Variants in SLC25A39 observed in about 807,000 individuals in gnomAD.
SLC25A39 encodes the protein mitochondrial glutathione transporter SLC25A39.
In SLC25A39, 44 loss-of-function variants were observed where a neutral mutation model predicts 46.6. The ratio of observed to expected loss-of-function variants is 0.94; its 90% confidence interval spans 0.74 to 1.21. SLC25A39 has a LOEUF of 1.21. Ranked by LOEUF, SLC25A39 falls within the 50% of genes most tolerant of loss-of-function variation. SLC25A39 has a pLI of 0.00. For synonymous variants in SLC25A39, 218 were observed against 190.6 expected (o/e 1.14, Z -1.19); for missense variants, 487 against 473.0 (o/e 1.03, Z -0.28).
chr17:44,320,944 C>T, intron 8 of SLC25A39, 114 bp downstream of exon 8: 1 of 1,309,808 alleles, frequency 7.6e-7, no homozygotes. Context: ...ACCCATGGCT[C>T]AGAAAAGCTA....
chr17:44,321,724 A>G lies in SLC25A39; in HGVS notation c.368T>C (p.Leu123Pro), dbSNP rs770525783. The change falls in exon 6 of 12, where the codon CTC becomes CCC. Residue 123 changes from leucine (L) to proline (P), a missense_variant. By Grantham distance (98) the Leu-to-Pro change is moderately conservative (BLOSUM62 -3). Transcript: ENST00000377095. ...KIVRHEGTRTLWSGLPATLVM... is the reference protein window; with the variant it reads ...KIVRHEGTRTPWSGLPATLVM... ...CAGGGTGGCGGGGAGGCCGCTCCAG[A>G]GGGTCCTGGTGCCCTCGTGCCTCAC... The G allele has an allele frequency of 1.5e-5, 24 of 1,612,340 alleles. No individual in the cohort carries two copies. Among genetic ancestry groups the G allele is most frequent in the Non-Finnish European group, 2.0e-5 (23 of 1,179,098 alleles).
chr17:44,321,487 C>T lies in SLC25A39; in HGVS notation c.464G>A (p.Arg155Gln), dbSNP rs566730204. 51 of 1,614,020 alleles carry T rather than the reference C, an allele frequency of 3.2e-5. No homozygotes were observed. In the South Asian group the frequency reaches 3.7e-4, roughly 12 times the overall value. The change falls in exon 7 of 12, where the codon CGA becomes CAA. Residue 155 changes from arginine (R) to glutamine (Q), a missense_variant. Physicochemically the swap from Arg to Gln is conservative, Grantham distance 43. Coordinates refer to ENST00000377095, the MANE Select transcript of SLC25A39 (RefSeq NM_001143780.3). ...TGCGTAGAGGTCAGAGGTCAGGGCT[C>T]GACCACACAGGAAGGCCTTCAGTTG... ...YDQLKAFLCG[R>Q]ALTSDLYAPM... is the part of the protein sequence containing the mutation.
In SLC25A39 at chr17:44,320,061, G is replaced by A. The variant is rs147367790; in HGVS notation, c.1020C>T (p.Thr340=). ...AAPSCAIMIS[T]YEFGKSFFQR... Reference sequence around the variant, plus strand: ...GGAAGAAGCTTTTGCCGAACTCATAGGTGCTGATCATGATGGCACAGGAGG... The same window carrying A: ...GGAAGAAGCTTTTGCCGAACTCATAAGTGCTGATCATGATGGCACAGGAGG... The change falls in exon 12 of 12, where the codon ACC becomes ACT. Residue 340 remains threonine (T), a synonymous_variant. Coordinates refer to ENST00000377095, the MANE Select transcript of SLC25A39 (RefSeq NM_001143780.3). 8.7e-6 allele frequency: 14 copies of A among 1,614,034 alleles called. No individual in the cohort carries two copies. Among genetic ancestry groups the A allele is most frequent in the Non-Finnish European group, 1.2e-5 (14 of 1,180,018 alleles).
intron 5 of SLC25A39, 151 bp from the exon 6 acceptor site, chr17:44,321,918 G>T: frequency 1.3e-6 from 1 of 764,038 alleles, no homozygotes; most frequent in East Asian, 2.7e-5. Context: ...TACCCCAGCA[G>T]CTGGGTCCAG....
chr17:44,320,264 T>C lies in SLC25A39; in HGVS notation c.896A>G (p.His299Arg). 6.2e-7 allele frequency: 1 copy of C among 1,613,752 alleles called. No homozygotes were observed. The highest frequency in any genetic ancestry group is 1.1e-5 in the South Asian group (1 of 91,084). The change falls in exon 11 of 12, where the codon CAT (histidine) becomes CGT (arginine). Residue 299 changes from histidine to arginine, a missense_variant. Physicochemically the swap from His to Arg is conservative, Grantham distance 29 (BLOSUM62 0). Transcript: ENST00000377095. ...CAGCAGCAGCCAGGTGGAGTCCACA[T>C]GCAGGGGGTTCACTGCAAACGCGAG... ...AMEAVRVNPL[H>R]VDSTWLLLRR...
At chr17:44,320,843 T>C (rs1171959824) in intron 8 of SLC25A39, 112 bp from the exon 9 acceptor site, 1 of 1,021,342 alleles carries the variant, frequency 9.8e-7, no homozygotes, top group African/African-American at 1.6e-5. Context: ...GTCTGCTACA[T>C]GCAGGCTCAG....
At chr17:44,321,799 G>A (rs1198382962) in intron 5 of SLC25A39, 32 bp from the exon 6 acceptor site, 1 of 1,599,770 alleles carries the variant, frequency 6.3e-7, no homozygotes, top group Non-Finnish European at 8.5e-7. Flanking sequence ...CAGGGGAAGA[G>A]GAGGGACACA....
Position 44,320,039 on chromosome 17 carries a change from A to G in SLC25A39, c.1042T>C (p.Phe348Leu). 2 of 1,613,994 alleles carry G rather than the reference A, an allele frequency of 1.2e-6. No homozygotes were observed. The highest frequency in any genetic ancestry group is 1.7e-6 in the Non-Finnish European group (2 of 1,180,002). ...AGCCGGTCCTGGTTCAGCCTCTGGAAGAAGCTTTTGCCGAACTCATAGGTG... is the reference window on the plus strand; with the variant it reads ...AGCCGGTCCTGGTTCAGCCTCTGGAGGAAGCTTTTGCCGAACTCATAGGTG... ...ISTYEFGKSF[F>L]QRLNQDRLLG... Residue 348 changes from phenylalanine (F) to leucine (L), a missense_variant, in exon 12 of 12, where the codon TTC becomes CTC. Physicochemically the swap from Phe to Leu is conservative, Grantham distance 22. Transcript: ENST00000377095.
At position 44,320,367 on chromosome 17, in the gene SLC25A39, C is replaced by T; in HGVS notation, c.871G>A (p.Glu291Lys). The change falls in exon 10 of 12, where the codon GAG (glutamate) becomes AAG (lysine). Residue 291 changes from glutamate (E) to lysine (K), a missense_variant. Coordinates refer to ENST00000377095, the MANE Select transcript of SLC25A39 (RefSeq NM_001143780.3). ...TQRQVALGAM[E>K]AVRVNPLHVD... is the part of the protein sequence containing the mutation. ...TCTGGGCCCTCACCTCTCACAGCCT[C>T]CATCGCTCCCAGAGCGACCTGGCGT... 2.5e-6 allele frequency: 4 copies of T among 1,613,636 alleles called. No individual in the cohort carries two copies. The highest frequency in any genetic ancestry group is 3.4e-6 in the Non-Finnish European group (4 of 1,180,032).
chr17:44,324,332 GC>G (rs543246924), intron 1 of SLC25A39: 13 of 152,576 alleles, frequency 8.5e-5, no homozygotes, highest in Admixed American at 4.6e-4. Context: ...TGGAGGGACG[GC>G]CGGGCATCGA....
intron 9 of SLC25A39, 27 bp downstream of exon 9, chr17:44,320,595 G>A (rs774923729): frequency 5.0e-6 from 8 of 1,604,178 alleles, no homozygotes; most frequent in South Asian, 1.1e-5. Context: ...ACCTCCGCTG[G>A]CCTCACCTCC....
In SLC25A39 at chr17:44,321,537, G is replaced by A. The variant is rs771753728; in HGVS notation, c.414C>T (p.Thr138=). ...GGTCATAGGCAGTGAAGTAGATGGC[G>A]GTAGCTGGCACAGTCATCACCCTGG... ...PATLVMTVPA[T]AIYFTAYDQL... The change falls in exon 7 of 12, where the codon ACC becomes ACT. Residue 138 remains threonine (T), a synonymous_variant. Transcript: ENST00000377095. 11 of 1,613,890 alleles carry A rather than the reference G, an allele frequency of 6.8e-6. No individual in the cohort carries two copies. The Admixed American group carries it at 8.3e-5, about 12-fold the overall frequency.
At position 44,322,907 on chromosome 17, in the gene SLC25A39, C is replaced by T. The variant is rs992424199; in HGVS notation, c.146-55G>A. Reference sequence around the variant, plus strand: ...GAGAGCCCCCACCCGCCCTAGGGACCCCATCTCTGGGAGATCTTTTTATTT... The same window carrying T: ...GAGAGCCCCCACCCGCCCTAGGGACTCCATCTCTGGGAGATCTTTTTATTT... On this transcript the variant is annotated intron_variant, in intron 3 of 11. Transcript: ENST00000377095. The T allele has an allele frequency of 6.2e-5, 98 of 1,581,060 alleles. 1 individual carries two copies. The highest frequency in any genetic ancestry group is 7.0e-5 in the Non-Finnish European group (81 of 1,152,512).
Position 44,323,459 on chromosome 17 carries a change from C to T in SLC25A39, c.85+19G>A, listed in dbSNP as rs567744806. 1.2e-3 allele frequency: 1,819 copies of T among 1,524,520 alleles called. 5 individuals are homozygous for T. The highest frequency in any genetic ancestry group is 1.3e-3 in the Non-Finnish European group (1,417 of 1,130,152). 94.4% of individuals were successfully genotyped at this position (1,524,520 alleles called of 1,614,324 possible). A position where few individuals can be genotyped will look rare whatever the true frequency, so the allele number is the denominator to read the frequency against. On this transcript the variant is annotated intron_variant, in intron 2 of 11. Transcript: ENST00000377095. ...GCCCCATCCCCACCCGCCCCCACCCCACCTCCCCTAGGTCTTACTGAAGAG... is the reference window on the plus strand; with the variant it reads ...GCCCCATCCCCACCCGCCCCCACCCTACCTCCCCTAGGTCTTACTGAAGAG...
At chr17:44,322,347 G>A (rs368504732) in intron 5 of SLC25A39, 72 bp downstream of exon 5, 4 of 1,568,896 alleles carry the variant, frequency 2.5e-6, no homozygotes. Context: ...CTTTACTCCT[G>A]GGTCTGCTGC....
At chr17:44,323,730 C>A in intron 1 of SLC25A39, 153 bp from the exon 2 acceptor site, 1 of 606,008 alleles carries the variant, frequency 1.7e-6, no homozygotes. Context: ...CTGCAACATC[C>A]ACCCCCGTTC....
At position 44,320,086 on chromosome 17, in the gene SLC25A39, G is replaced by T. The variant is rs373183226; in HGVS notation, c.995C>A (p.Pro332His). The part of the protein sequence containing the change: ...GFLPRIIKAA[P>H]SCAIMISTYE... ...GGTGCTGATCATGATGGCACAGGAG[G>T]GGGCAGCCTTGATGATCCGAGGAAG... Residue 332 changes from proline to histidine, a missense_variant, in exon 12 of 12, where the codon CCC becomes CAC. Coordinates refer to ENST00000377095, the MANE Select transcript of SLC25A39 (RefSeq NM_001143780.3). 3.7e-6 allele frequency: 6 copies of T among 1,613,996 alleles called. No homozygotes were observed. The African/African-American group carries it at 8.0e-5, about 22-fold the overall frequency.
rs765488036 is a variant in SLC25A39 at position 44,320,716 on chromosome 17, T to A, written c.707A>T (p.Asn236Ile). Reference sequence around the variant, plus strand: ...GAGCCAGCTCTTCACCAGCTCATAGTTGAACCAGTACAGGGCTTGGGGTGG... The same window carrying A: ...GAGCCAGCTCTTCACCAGCTCATAGATGAACCAGTACAGGGCTTGGGGTGG... ...DVPFSALYWF[N>I]YELVKSWLNG... is the part of the protein sequence containing the mutation. The change falls in exon 9 of 12, where the codon AAC becomes ATC. Residue 236 changes from asparagine to isoleucine, a missense_variant. Physicochemically the swap from Asn to Ile is moderately radical, Grantham distance 149. Coordinates refer to ENST00000377095, the MANE Select transcript of SLC25A39 (RefSeq NM_001143780.3). 1.9e-6 allele frequency: 3 copies of A among 1,613,788 alleles called. No individual in the cohort carries two copies. Among genetic ancestry groups the A allele is most frequent in the East Asian group, 4.5e-5 (2 of 44,892 alleles).
At chr17:44,321,032 C>T (rs1031997741) in intron 8 of SLC25A39, 26 bp downstream of exon 8, 1 of 1,560,692 alleles carries the variant, frequency 6.4e-7, no homozygotes, top group Non-Finnish European at 8.7e-7. Flanking sequence ...GTTCCCTCAC[C>T]CACCCCCTGC....
Sources: gnomAD v4.1 joint callset for allele counts on GRCh38, gnomAD v4.1.1 for gene constraint, MANE v1.5 for transcripts, NCBI Gene and HGNC (gene_info 2026-07-23, HGNC 2026-07-21) for gene names.